The following HAO1 variants were observed in gnomAD, a reference collection of about 807,000 sequenced individuals.
HAO1 encodes the protein 2-Hydroxyacid oxidase 1.
In HAO1, 34 loss-of-function variants were observed where a neutral mutation model predicts 39.7. The ratio of observed to expected loss-of-function variants is 0.86; its 90% confidence interval spans 0.65 to 1.14. HAO1 has a LOEUF of 1.14. HAO1 is among the 50% of genes most tolerant of loss of function. HAO1 has a pLI of 0.00. For synonymous variants in HAO1, 172 were observed against 173.2 expected, an observed-to-expected ratio of 0.99 and a Z score of 0.05; for missense variants, 479 against 464.5, an observed-to-expected ratio of 1.03 and a Z score of -0.29.
In HAO1 at chr20:7,905,764, CA is replaced by C. The variant is rs2050244787; in HGVS notation, c.721+389del. Among the ~76,000 whole-genome samples, 3 of 152,124 alleles carry C rather than the reference CA, an allele frequency of 2.0e-5. 1 individual carries two copies. In the South Asian group the frequency reaches 6.2e-4, roughly 31 times the overall value. ...AGAAAAAGAGTAAAAGCTCTTAAAA[CA>C]AGTCTGTCTGTCATAATATCTCCTT... is the stretch of plus-strand genomic sequence containing the variant. On this transcript the variant is annotated intron_variant, in intron 4 of 7. Coordinates refer to ENST00000378789, the MANE Select transcript of HAO1 (RefSeq NM_017545.3).
At position 7,909,360 on chromosome 20, in the gene HAO1, CATATATATATATATATATGTATAT is replaced by C. The variant is rs1246771900; in HGVS notation, c.546-3055_546-3032del. ...AATGCTATTTTTATTCGGATTATGA[CATATATATATATATATATGTATAT>C]ATATATATATATATATATATGCTTA... is the stretch of plus-strand genomic sequence containing the variant. On this transcript the variant is annotated intron_variant, in intron 3 of 7. Coordinates refer to ENST00000378789, the MANE Select transcript of HAO1 (RefSeq NM_017545.3). Among the ~76,000 whole-genome samples, 252 of 109,072 alleles carry C rather than the reference CATATATATATATATATATGTATAT, an allele frequency of 2.3e-3. 5 individuals carry two copies. Among genetic ancestry groups the C allele is most frequent in the Middle Eastern group, 0.016 (3 of 192 alleles). The allele number at this position is 109,072 out of a possible 152,430, so 71.6% of individuals were successfully genotyped here.
chr20:7,926,934 T>G (rs1167915109), intron 2 of HAO1, among the ~76,000 whole-genome samples: 5 of 151,966 alleles, frequency 3.3e-5, no homozygotes, highest in African/African-American at 1.2e-4. Flanking sequence ...ATTAGGTAGG[T>G]TTTAATTTTT....
rs576062931 is a variant in HAO1, at chr20:7,915,356, G to A, written c.290-937C>T. Among the ~76,000 whole-genome samples, 10 of 151,988 alleles carry A rather than the reference G, an allele frequency of 6.6e-5. No homozygotes were observed. The East Asian group carries it at 1.8e-3, about 27-fold the overall frequency. On this transcript the variant is annotated intron_variant, in intron 2 of 7. Transcript: ENST00000378789. ...GTCTGTGAAGGAGAATAAGAAGAAG[G>A]GGAAGGAGAAGAAGAAGGGAAAGGG... is the stretch of plus-strand genomic sequence containing the variant.
chr20:7,931,175 A>G (rs1031009910), intron 2 of HAO1, among the ~76,000 whole-genome samples: 7 of 152,138 alleles, frequency 4.6e-5, no homozygotes, highest in Non-Finnish European at 1.0e-4. Context: ...TGAGGGCAAC[A>G]TGTGTACACT....
At chr20:7,890,796 T>C (rs1218449981) in intron 5 of HAO1, among the ~76,000 whole-genome samples, 1 of 152,184 alleles carries the variant, frequency 6.6e-6, no homozygotes, top group East Asian at 1.9e-4. Context: ...GAACATACGA[T>C]GTTTGGTTTT....
At chr20:7,886,899 G>A (rs539948705) in intron 5 of HAO1, among the ~76,000 whole-genome samples, 2 of 152,252 alleles carry the variant, frequency 1.3e-5, no homozygotes, top group East Asian at 1.9e-4. Context: ...GCCATGAGAA[G>A]ACCATCCACC....
chr20:7,918,191 C>T (rs1319389274), intron 2 of HAO1, among the ~76,000 whole-genome samples: 4 of 152,142 alleles, frequency 2.6e-5, no homozygotes, highest in African/African-American at 9.7e-5. Context: ...CAGCAGGCTC[C>T]CTTCTCCCCA....
chr20:7,895,039 AAGTACACACAG>A, intron 5 of HAO1, 83 bp downstream of exon 5: 1 of 820,582 alleles, frequency 1.2e-6, no homozygotes, highest in South Asian at 1.5e-5. Flanking sequence ...TGATTACACA[AAGTACACACAG>A]AGAGGAGGAA....
In HAO1 at chr20:7,911,490, A is replaced by G. The variant is rs1305182175; in HGVS notation, c.545+2674T>C. On this transcript the variant is annotated intron_variant, in intron 3 of 7. Transcript: ENST00000378789. Reference sequence around the variant, plus strand: ...GGAGAAAGAAAAAGTTCCTGCCCCAAAGCCTCAGGAATCAGTCTACTGAAC... The same window carrying G: ...GGAGAAAGAAAAAGTTCCTGCCCCAGAGCCTCAGGAATCAGTCTACTGAAC... 3.9e-5 allele frequency among the ~76,000 whole-genome samples: 6 copies of G among 152,256 alleles called. No homozygotes were observed. In the East Asian group the frequency reaches 9.7e-4, roughly 24 times the overall value.
At chr20:7,937,741 C>T (rs1486752589) in intron 1 of HAO1, among the ~76,000 whole-genome samples, 1 of 152,156 alleles carries the variant, frequency 6.6e-6, no homozygotes, top group East Asian at 1.9e-4. Flanking sequence ...TACTGTTCTT[C>T]GTTGAATTAA....
At chr20:7,930,297 G>A (rs61035098) in intron 2 of HAO1, among the ~76,000 whole-genome samples, 1,526 of 151,984 alleles carry the variant, frequency 0.01, 25 homozygotes, top group African/African-American at 0.033. Flanking sequence ...ATATTCCCAA[G>A]GACTGGCTTG....
At chr20:7,901,131 A>G (rs971957526) in intron 4 of HAO1, among the ~76,000 whole-genome samples, 1 of 152,158 alleles carries the variant, frequency 6.6e-6, no homozygotes, top group African/African-American at 2.4e-5. Flanking sequence ...GCAGAGGTTG[A>G]TTCCTGAGGT....
intron 2 of HAO1, among the ~76,000 whole-genome samples, chr20:7,915,956 T>C (rs1181376327): frequency 6.6e-6 from 1 of 152,162 alleles, no homozygotes; most frequent in Non-Finnish European, 1.5e-5. Flanking sequence ...AAATATATAG[T>C]TTACCATTTA....
intron 2 of HAO1, among the ~76,000 whole-genome samples, chr20:7,924,225 T>A (rs2050348957): frequency 6.6e-6 from 1 of 151,954 alleles, no homozygotes; most frequent in Non-Finnish European, 1.5e-5. Flanking sequence ...TTGTTGTTGT[T>A]GTTTGTTTGT....
intron 4 of HAO1, among the ~76,000 whole-genome samples, chr20:7,904,928 C>T (rs1475508504): frequency 6.6e-6 from 1 of 152,092 alleles, no homozygotes; most frequent in Admixed American, 6.6e-5. Context: ...GAAGTGAAAC[C>T]ATTATTTAAA....
chr20:7,909,350 C>T (rs2050264450), intron 3 of HAO1, among the ~76,000 whole-genome samples: 2 of 114,014 alleles, frequency 1.8e-5, no homozygotes, highest in Admixed American at 9.1e-5. Context: ...TATTTTTATT[C>T]GGATTATGAC....
intron 3 of HAO1, among the ~76,000 whole-genome samples, chr20:7,909,485 T>G (rs1827232745): frequency 6.7e-6 from 1 of 149,134 alleles, no homozygotes; most frequent in Admixed American, 6.7e-5. Context: ...ACACTATTAC[T>G]TAGGGCTTAA....
At chr20:7,914,136 A>G in intron 3 of HAO1, 28 bp downstream of exon 3, 1 of 1,610,502 alleles carries the variant, frequency 6.2e-7, no homozygotes, top group Non-Finnish European at 8.5e-7. Context: ...CTTTCGCCTC[A>G]GCTCGGGGCC....
chr20:7,887,675 C>G (rs1364926270), intron 5 of HAO1, among the ~76,000 whole-genome samples: 3 of 151,526 alleles, frequency 2.0e-5, no homozygotes, highest in Non-Finnish European at 1.5e-5. Flanking sequence ...GAAACCAGAA[C>G]CAAAAAAAAA....
Sources: allele counts gnomAD v4.1 joint callset (sites outside exome capture counted in the v4.1 genomes callset), GRCh38; gene constraint gnomAD v4.1.1; transcripts MANE v1.5; gene names NCBI Gene and HGNC (gene_info 2026-07-23, HGNC 2026-07-21).